LSAMP: variants seen among roughly 807,000 people sequenced by gnomAD.
LSAMP encodes limbic system-associated membrane protein.
LSAMP carries 7 observed loss-of-function variants against 38.6 expected under a neutral mutation model. The ratio of observed to expected loss-of-function variants is 0.18; its 90% CI spans 0.10 to 0.34. The LOEUF (loss-of-function observed/expected upper bound fraction) is 0.34. Ranked by LOEUF, LSAMP falls within the 10% of genes least tolerant of loss-of-function variation. The pLI is 1.00. For synonymous variants in LSAMP, 154 were observed against 166.8 expected, an observed-to-expected ratio of 0.92 and a Z score of 0.59; for missense variants, 313 against 420.0, an observed-to-expected ratio of 0.75 and a Z score of 2.23.
intron 3 of LSAMP, among the ~76,000 whole-genome samples, chr3:115,894,251 T>G (rs1302557548): frequency 6.6e-6 from 1 of 152,026 alleles, no homozygotes; most frequent in East Asian, 1.9e-4. Flanking sequence ...CTTTAACATT[T>G]TACTCACCAC....
intron 1 of LSAMP, among the ~76,000 whole-genome samples, chr3:116,267,111 A>AGACT (rs1466712958): frequency 2.6e-5 from 4 of 152,156 alleles, no homozygotes; most frequent in African/African-American, 9.7e-5. Flanking sequence ...CAGGAAAAGT[A>AGACT]GACTCCCACT....
intron 3 of LSAMP, among the ~76,000 whole-genome samples, chr3:116,010,109 G>A (rs1167026013): frequency 1.3e-5 from 2 of 152,090 alleles, no homozygotes; most frequent in African/African-American, 2.4e-5. Flanking sequence ...TAGAGATGGG[G>A]TTTCACCATG....
At chr3:115,836,774 C>T (rs1263913404) in intron 6 of LSAMP, among the ~76,000 whole-genome samples, 1 of 152,176 alleles carries the variant, frequency 6.6e-6, no homozygotes, top group African/African-American at 2.4e-5. Context: ...TATTGTGTGG[C>T]ATCTAAAAGT....
At chr3:116,102,785 A>ATCTGTCTGTCTGTCTG (rs1553703925) in intron 1 of LSAMP, among the ~76,000 whole-genome samples, 69 of 151,804 alleles carry the variant, frequency 4.5e-4, no homozygotes, top group African/African-American at 1.6e-3. Flanking sequence ...CTATCTATCT[A>ATCTGTCTGTCTGTCTG]TCTGTCTGTC....
chr3:116,193,429 A>C (rs1710802276), intron 1 of LSAMP, among the ~76,000 whole-genome samples: 1 of 152,212 alleles, frequency 6.6e-6, no homozygotes, highest in Non-Finnish European at 1.5e-5. Context: ...TCAAAAAAGC[A>C]TTTGTTTTTG....
intron 1 of LSAMP, among the ~76,000 whole-genome samples, chr3:116,427,245 C>T (rs543096968): frequency 1.9e-4 from 28 of 151,332 alleles, no homozygotes; most frequent in African/African-American, 6.5e-4. Context: ...CTCAGCCTCC[C>T]GAGTAGCTGG....
chr3:116,157,149 A>C (rs1709770875), intron 1 of LSAMP, among the ~76,000 whole-genome samples: 1 of 152,076 alleles, frequency 6.6e-6, no homozygotes, highest in Admixed American at 6.6e-5. Context: ...TCTAACGACT[A>C]GGCAAGTTGT....
intron 6 of LSAMP, among the ~76,000 whole-genome samples, chr3:115,819,461 T>C (rs1226991055): frequency 6.6e-6 from 1 of 151,900 alleles, no homozygotes; most frequent in African/African-American, 2.4e-5. Context: ...GCGGATTGAT[T>C]AGGGCATATT....
At chr3:116,078,574 C>T (rs1207175019) in intron 2 of LSAMP, among the ~76,000 whole-genome samples, 4 of 152,304 alleles carry the variant, frequency 2.6e-5, no homozygotes, top group East Asian at 1.9e-4. Flanking sequence ...GATCCACCCG[C>T]CTCGGCCTCC....
At chr3:116,069,922 T>A (rs1463338642) in intron 2 of LSAMP, among the ~76,000 whole-genome samples, 1 of 151,886 alleles carries the variant, frequency 6.6e-6, no homozygotes, top group African/African-American at 2.4e-5. Flanking sequence ...AAAGATGAAG[T>A]CATCAATGGA....
intron 1 of LSAMP, among the ~76,000 whole-genome samples, chr3:116,317,061 T>C (rs1182822936): frequency 6.6e-6 from 1 of 152,062 alleles, no homozygotes; most frequent in Admixed American, 6.5e-5. Context: ...ATCAGCACTC[T>C]GTAAAATGGA....
intron 1 of LSAMP, among the ~76,000 whole-genome samples, chr3:116,390,868 C>T (rs991990791): frequency 6.6e-6 from 1 of 151,808 alleles, no homozygotes; most frequent in Non-Finnish European, 1.5e-5. Context: ...CAGTGGTCTG[C>T]TCATATCCTT....
chr3:115,896,708 T>G (rs1400984364), intron 3 of LSAMP, among the ~76,000 whole-genome samples: 1 of 152,126 alleles, frequency 6.6e-6, no homozygotes, highest in Non-Finnish European at 1.5e-5. Flanking sequence ...TGAGGATAAT[T>G]TCTACTGTTC....
chr3:116,013,286 G>C (rs1480451774), intron 3 of LSAMP, among the ~76,000 whole-genome samples: 2 of 152,180 alleles, frequency 1.3e-5, no homozygotes, highest in East Asian at 1.9e-4. Flanking sequence ...GTTACTGTGA[G>C]CATCTCCAGG....
chr3:115,923,598 T>C (rs1559882697), intron 3 of LSAMP, among the ~76,000 whole-genome samples: 1 of 152,246 alleles, frequency 6.6e-6, no homozygotes, highest in Non-Finnish European at 1.5e-5. Context: ...ATTTTTGATA[T>C]ATAGTATCTG....
rs746746257 is a variant in LSAMP, at chr3:115,957,845, G to T, written c.514+61670C>A. ...CAAACCATAGGATTTCCAAAGGTGA[G>T]TTATCACCTTGTTGTAGAGGCTTTT... On this transcript the variant is annotated intron_variant, in intron 3 of 6. Coordinates refer to ENST00000490035, the MANE Select transcript of LSAMP (RefSeq NM_002338.5). Among the ~76,000 whole-genome samples, 6 of 152,224 alleles carry T rather than the reference G, an allele frequency of 3.9e-5. No homozygotes were observed. In the South Asian group the frequency reaches 1.0e-3, roughly 26 times the overall value.
chr3:116,098,344 T>G (rs936788063), intron 1 of LSAMP, among the ~76,000 whole-genome samples: 12 of 151,734 alleles, frequency 7.9e-5, no homozygotes, highest in Admixed American at 3.3e-4. Context: ...AGTTAAAAAT[T>G]CAAAATTAGC....
At chr3:116,270,276 T>A (rs971997056) in intron 1 of LSAMP, among the ~76,000 whole-genome samples, 1 of 152,242 alleles carries the variant, frequency 6.6e-6, no homozygotes, top group Non-Finnish European at 1.5e-5. Context: ...AGACTGCTGC[T>A]GTACAACAGG....
At chr3:116,138,415 T>C (rs1709297670) in intron 1 of LSAMP, among the ~76,000 whole-genome samples, 1 of 152,092 alleles carries the variant, frequency 6.6e-6, no homozygotes, top group Non-Finnish European at 1.5e-5. Context: ...AGGGAAATAG[T>C]AGAAATACAA....
Sources: allele counts gnomAD v4.1 joint callset (sites outside exome capture counted in the v4.1 genomes callset), GRCh38; gene constraint gnomAD v4.1.1; transcripts MANE v1.5; gene names NCBI Gene and HGNC (gene_info 2026-07-23, HGNC 2026-07-21).